Variants in USP6NL observed in about 807,000 individuals in gnomAD.
USP6NL encodes USP6 N-terminal-like protein.
USP6NL carries 26 observed loss-of-function variants against 61.9 expected under a neutral mutation model. The ratio of observed to expected loss-of-function variants is 0.42; its 90% CI spans 0.31 to 0.58. The LOEUF (loss-of-function observed/expected upper bound fraction) is 0.58, where lower values mean the gene tolerates loss of function less well. Ranked by LOEUF, USP6NL falls within the 20% of genes least tolerant of loss-of-function variation. The pLI, the probability that USP6NL is intolerant of heterozygous loss-of-function variation, is 0.16. For missense variants in USP6NL, 1,114 were observed against 1,034.3 expected (o/e 1.08, Z -1.06); for synonymous variants, 432 against 390.1 (o/e 1.11, Z -1.27).
intron 4 of USP6NL, among the ~76,000 whole-genome samples, chr10:11,519,838 C>G (rs1440385067): frequency 1.3e-5 from 2 of 152,154 alleles, no homozygotes; most frequent in Admixed American, 1.3e-4. Flanking sequence ...AAGTTATGCA[C>G]TTTGAGTAGC....
intron 2 of USP6NL, among the ~76,000 whole-genome samples, chr10:11,570,418 A>G (rs1039696380): frequency 6.6e-6 from 1 of 152,248 alleles, no homozygotes; most frequent in African/African-American, 2.4e-5. Context: ...TGGAAAGGTC[A>G]GGACAGATAC....
intron 1 of USP6NL, among the ~76,000 whole-genome samples, chr10:11,606,821 T>C (rs1465178268): frequency 6.6e-6 from 1 of 152,010 alleles, no homozygotes; most frequent in East Asian, 1.9e-4. Context: ...ACACGGAGTT[T>C]TACTCTGTCG....
At chr10:11,603,157 G>T (rs1245041073) in intron 1 of USP6NL, among the ~76,000 whole-genome samples, 2 of 152,168 alleles carry the variant, frequency 1.3e-5, no homozygotes, top group Non-Finnish European at 2.9e-5. Flanking sequence ...GGTTTCATCG[G>T]TTTCTTTACA....
chr10:11,463,692 G>C lies in USP6NL; in HGVS notation c.1236C>G (p.His412Gln), dbSNP rs940874244. ...RRESGAPHRR[H>Q]EHSPHPQSRT... The stretch of plus-strand genomic sequence containing the variant: ...TGCTCTGGGGGTGCGGGGAGTGCTC[G>C]TGCCTCCTGTGGGGCGCCCCGCTCT... Residue 412 changes from histidine to glutamine, a missense_variant, in exon 15 of 15, where the codon CAC (histidine) becomes CAG (glutamine). Physicochemically the swap from His to Gln is conservative, Grantham distance 24. Coordinates refer to ENST00000609104, the MANE Select transcript of USP6NL (RefSeq NM_014688.5). The surrounding 1 kb of genome is among the most constrained non-coding windows in gnomAD (Gnocchi z 6.3). The C allele has an allele frequency of 6.3e-5, 101 of 1,613,276 alleles. No individual in the cohort carries two copies. Among genetic ancestry groups the C allele is most frequent in the Non-Finnish European group, 8.3e-5 (98 of 1,179,664 alleles).
intron 5 of USP6NL, among the ~76,000 whole-genome samples, chr10:11,516,387 C>T (rs1305927005): frequency 6.6e-6 from 1 of 152,152 alleles, no homozygotes. Context: ...GACTTTATTC[C>T]ATTTTAAAAA....
At chr10:11,594,035 T>G (rs1206641165) in intron 2 of USP6NL, among the ~76,000 whole-genome samples, 1 of 152,224 alleles carries the variant, frequency 6.6e-6, no homozygotes, top group African/African-American at 2.4e-5. Flanking sequence ...AAATCTAAGT[T>G]TGGAAATTCT....
intron 4 of USP6NL, among the ~76,000 whole-genome samples, chr10:11,523,880 T>C (rs1001588749): frequency 6.6e-5 from 10 of 152,182 alleles, no homozygotes; most frequent in African/African-American, 1.9e-4. Flanking sequence ...AATCAAAATC[T>C]AGGAAAGACA....
intron 1 of USP6NL, among the ~76,000 whole-genome samples, chr10:11,605,098 G>C (rs530448626): frequency 6.6e-6 from 1 of 152,298 alleles, no homozygotes; most frequent in African/African-American, 2.4e-5. Context: ...CAGCTAACAA[G>C]ACAGTGTGAA....
chr10:11,570,447 A>G (rs1026461604), intron 2 of USP6NL, among the ~76,000 whole-genome samples: 1 of 152,224 alleles, frequency 6.6e-6, no homozygotes, highest in African/African-American at 2.4e-5. Context: ...CTATGTCTTA[A>G]AAACAAGAGA....
At position 11,598,612 on chromosome 10, in the gene USP6NL, T is replaced by A. The variant is rs943658810; in HGVS notation, c.-83-895A>T. ...ATAAGATCAGACTCAACACAAAATGTACACCTGTACTACCTCACATGTAGT... is the reference window on the plus strand; with the variant it reads ...ATAAGATCAGACTCAACACAAAATGAACACCTGTACTACCTCACATGTAGT... On this transcript the variant is annotated intron_variant, in intron 1 of 14. Transcript: ENST00000609104. This position sits in a 1 kb window ranked among gnomAD's most constrained non-coding sequence, Gnocchi z 4.7. 6.6e-6 allele frequency among the ~76,000 whole-genome samples: 1 copy of A among 152,220 alleles called. No individual in the cohort carries two copies. Among genetic ancestry groups the A allele is most frequent in the Non-Finnish European group, 1.5e-5 (1 of 68,032 alleles).
intron 2 of USP6NL, among the ~76,000 whole-genome samples, chr10:11,593,091 C>T (rs1009166895): frequency 1.3e-5 from 2 of 152,222 alleles, no homozygotes; most frequent in African/African-American, 4.8e-5. Flanking sequence ...GAATCAAACA[C>T]TCCAGTGTCA....
rs1833775623 is a variant in USP6NL, at chr10:11,493,217, G to A, written c.396C>T (p.His132=). 1 of 1,608,802 alleles carries A rather than the reference G, an allele frequency of 6.2e-7. No individual in the cohort carries two copies. The highest frequency in any genetic ancestry group is 1.1e-5 in the South Asian group (1 of 89,720). ...TGTCAGGTGAACAGCCCCGTGCTCT[G>A]TGTTTTAATTTCTGAAGAGAGAAAG... The part of the protein sequence containing the change: ...ETRDLYSKLK[H]RARGCSPDIR... The change falls in exon 8 of 15, where the codon CAC becomes CAT. Residue 132 remains histidine, a synonymous_variant. Transcript: ENST00000609104.
chr10:11,536,822 T>C (rs966293490), intron 2 of USP6NL, among the ~76,000 whole-genome samples: 2 of 152,240 alleles, frequency 1.3e-5, no homozygotes, highest in African/African-American at 4.8e-5. Flanking sequence ...AACCCATTTA[T>C]CTCCATCTTG....
intron 2 of USP6NL, among the ~76,000 whole-genome samples, chr10:11,530,999 T>G (rs1288842250): frequency 1.3e-5 from 2 of 152,238 alleles, no homozygotes; most frequent in Non-Finnish European, 2.9e-5. Context: ...TGTGTCTGTG[T>G]GCACATGTGA....
At chr10:11,567,556 T>C (rs577162497) in intron 2 of USP6NL, among the ~76,000 whole-genome samples, 9 of 152,336 alleles carry the variant, frequency 5.9e-5, no homozygotes, top group South Asian at 2.1e-4. Context: ...GTTTTCCAAG[T>C]ACAAATGAGC....
rs976919671 is a variant in USP6NL, at chr10:11,513,503, G to T, written c.196-3828C>A. On this transcript the variant is annotated intron_variant, in intron 5 of 14. Transcript: ENST00000609104. The surrounding 1 kb of genome is among the most constrained non-coding windows in gnomAD (Gnocchi z 4.7). ...TATTTTGAAATATTTCAAACCTACA[G>T]AAAAGTTGAGAGAATAGTATGTCAC... Among the ~76,000 whole-genome samples, 1 of 152,178 alleles carries T rather than the reference G, an allele frequency of 6.6e-6. No homozygotes were observed. The highest frequency in any genetic ancestry group is 1.5e-5 in the Non-Finnish European group (1 of 68,032).
intron 6 of USP6NL, among the ~76,000 whole-genome samples, chr10:11,504,475 G>A (rs917672647): frequency 1.3e-5 from 2 of 152,214 alleles, no homozygotes; most frequent in Admixed American, 1.3e-4. Context: ...CAGAAGAAAA[G>A]TATCTGCCCT....
intron 2 of USP6NL, among the ~76,000 whole-genome samples, chr10:11,558,584 C>T (rs1318817837): frequency 6.6e-6 from 1 of 152,110 alleles, no homozygotes; most frequent in African/African-American, 2.4e-5. Flanking sequence ...TACCTCCTAC[C>T]ACTCCCCATC....
rs57177555 is a variant in USP6NL at position 11,460,624 on chromosome 10, C to CATATATATATATATAT, written c.*1801_*1816dup. Reference sequence around the variant, plus strand: ...CTTGTGTGTATATATATATTTTTTGCATATATATATATATATATATATATA... The same window carrying CATATATATATATATAT: ...CTTGTGTGTATATATATATTTTTTGCATATATATATATATATATATATATATATATATATATATATA... On this transcript the variant is annotated 3_prime_UTR_variant, in exon 15 of 15. Coordinates refer to ENST00000609104, the MANE Select transcript of USP6NL (RefSeq NM_014688.5). 5.5e-4 allele frequency: 70 copies of CATATATATATATATAT among 126,646 alleles called. No individual in the cohort carries two copies. Among genetic ancestry groups the CATATATATATATATAT allele is most frequent in the Non-Finnish European group, 8.9e-4 (52 of 58,302 alleles). The allele number at this position is 126,646 out of a possible 1,614,324, so 7.8% of individuals were successfully genotyped here.
Sources: gnomAD v4.1 joint callset for allele counts (sites outside exome capture counted in the v4.1 genomes callset) on GRCh38, gnomAD v4.1.1 for gene constraint, Gnocchi (gnomAD v3.1) non-coding constraint, MANE v1.5 for transcripts, NCBI Gene and HGNC (gene_info 2026-07-23, HGNC 2026-07-21) for gene names.